Variants in KCNAB2 observed in about 807,000 individuals in gnomAD.
KCNAB2 encodes voltage-gated potassium channel subunit beta-2.
KCNAB2 carries 29 observed loss-of-function variants against 63.6 expected under a neutral mutation model. The ratio of observed to expected loss-of-function variants is 0.46; its 90% confidence interval spans 0.34 to 0.62. The LOEUF is 0.62. Among genes scored for constraint, KCNAB2 ranks in the 20% least tolerant of loss-of-function variants. KCNAB2 has a pLI of 0.01. For missense variants in KCNAB2, 359 were observed against 563.9 expected (o/e 0.64, Z 3.68); for synonymous variants, 222 against 224.2 (o/e 0.99, Z 0.09).
chr1:6,040,367 G>C (rs1352910041), intron 1 of KCNAB2: 6 of 615,034 alleles, frequency 9.8e-6, no homozygotes, highest in African/African-American at 7.4e-5. Context: ...TCTGTCGTCT[G>C]TCTGTCTGTC....
intron 1 of KCNAB2, among the ~76,000 whole-genome samples, chr1:6,049,818 T>C (rs1302576539): frequency 6.6e-6 from 1 of 152,204 alleles, no homozygotes; most frequent in Non-Finnish European, 1.5e-5. Context: ...AGGGCAGACA[T>C]GAATGAAGGT....
intron 1 of KCNAB2, among the ~76,000 whole-genome samples, chr1:6,005,356 GAGCTGAGCTGAGGAGTGA>G (rs1657573956): frequency 3.0e-5 from 1 of 33,172 alleles, no homozygotes; most frequent in Non-Finnish European, 5.1e-5. Context: ...GGGGATGTGG[GAGCTGAGCTGAGGAGTGA>G]GGGTGAACTG....
At chr1:6,043,061 C>T (rs1307354652), upstream of KCNAB2, among the ~76,000 whole-genome samples, 5 of 152,130 alleles carry the variant, frequency 3.3e-5, no homozygotes, top group African/African-American at 1.2e-4. Flanking sequence ...AATGCTTTCC[C>T]TGGATGAAAT....
intron 1 of KCNAB2, among the ~76,000 whole-genome samples, chr1:6,005,812 C>T (rs1657637513): frequency 6.6e-6 from 1 of 151,888 alleles, no homozygotes; most frequent in African/African-American, 2.4e-5. Context: ...TTTCCCCTGG[C>T]AGGGACCACG....
At chr1:6,006,586 T>TCC (rs1557925203) in intron 1 of KCNAB2, among the ~76,000 whole-genome samples, 160 of 2,668 alleles carry the variant, frequency 0.06, 75 homozygotes, top group African/African-American at 0.28. Context: ...ATCCCCCCAC[T>TCC]TCACCCTCAC....
At chr1:6,050,179 C>T (rs1470214315) in intron 1 of KCNAB2, among the ~76,000 whole-genome samples, 1 of 152,224 alleles carries the variant, frequency 6.6e-6, no homozygotes, top group African/African-American at 2.4e-5. Flanking sequence ...CGAACTTTTC[C>T]TCTCTTGGGG....
intron 7 of KCNAB2, among the ~76,000 whole-genome samples, chr1:6,088,652 G>A (rs1664904939): frequency 6.6e-6 from 1 of 151,852 alleles, no homozygotes; most frequent in Admixed American, 6.6e-5. Context: ...CAAAGTGCTG[G>A]GATTACAGGC....
rs537583985 is a variant in KCNAB2, at chr1:6,084,733, T to G, written c.381-471T>G. 9.9e-5 allele frequency among the ~76,000 whole-genome samples: 15 copies of G among 151,308 alleles called. No homozygotes were observed. In the East Asian group the frequency reaches 2.3e-3, roughly 24 times the overall value. On this transcript the variant is annotated intron_variant, in intron 5 of 15. Transcript: ENST00000378083. ...TGGGAGGCTGAGGCAGGAGAACTGCTTGAACCCAGGAGGCAGAGGTTGCAG... is the reference window on the plus strand; with the variant it reads ...TGGGAGGCTGAGGCAGGAGAACTGCGTGAACCCAGGAGGCAGAGGTTGCAG...
chr1:6,021,245 A>G (rs1319900081), intron 1 of KCNAB2, among the ~76,000 whole-genome samples: 2 of 152,114 alleles, frequency 1.3e-5, no homozygotes, highest in Non-Finnish European at 2.9e-5. Context: ...CGATCCACCC[A>G]CCACGGGCTC....
At chr1:6,084,046 G>A (rs1421847842) in intron 5 of KCNAB2, among the ~76,000 whole-genome samples, 8 of 152,226 alleles carry the variant, frequency 5.3e-5, no homozygotes, top group Non-Finnish European at 1.2e-4. Context: ...TGTGTGTCTT[G>A]ACCATAAATG....
intron 6 of KCNAB2, chr1:6,085,894 G>A: frequency 1.0e-6 from 1 of 986,386 alleles, no homozygotes; most frequent in Non-Finnish European, 1.2e-6. Flanking sequence ...ACACTCCTCT[G>A]GGAAGTGGTC....
At chr1:6,039,374 G>T (rs1660312893) in intron 1 of KCNAB2, among the ~76,000 whole-genome samples, 1 of 152,210 alleles carries the variant, frequency 6.6e-6, no homozygotes, top group Admixed American at 6.5e-5. Flanking sequence ...GTGGAGGAAG[G>T]CGTGCAGAGC....
In KCNAB2 at chr1:6,101,169, AGCCC is replaced by A. The variant is rs1666008751; in HGVS notation, c.*2596_*2599del. 1 of 152,242 alleles carries A rather than the reference AGCCC, an allele frequency of 6.6e-6. No individual in the cohort carries two copies. Among genetic ancestry groups the A allele is most frequent in the African/African-American group, 2.4e-5 (1 of 41,452 alleles). The allele number at this position is 152,242 out of a possible 1,614,324, so 9.4% of individuals were successfully genotyped here. A position where few individuals can be genotyped will look rare whatever the true frequency, so the allele number is the denominator to read the frequency against. Reference sequence around the variant, plus strand: ...ATTTATGGAATGACAAAATAAATAAAGCCCAAACCCATCGGTCTCTGTGACTTTT... The same window carrying A: ...ATTTATGGAATGACAAAATAAATAAAAAACCCATCGGTCTCTGTGACTTTT... On this transcript the variant is annotated 3_prime_UTR_variant, in exon 16 of 16. Coordinates refer to ENST00000378083, the MANE Select transcript of KCNAB2 (RefSeq NM_001199862.2).
In KCNAB2 at chr1:6,094,436, G is replaced by A; in HGVS notation, c.683G>A (p.Gly228Glu). 1 of 1,612,142 alleles carries A rather than the reference G, an allele frequency of 6.2e-7. No homozygotes were observed. ...GCCATGACCCACGTCATCAACCAGG[G>A]GATGGCCATGTACTGGGGCACGTCA... ...VRAMTHVINQ[G>E]MAMYWGTSRW... The change falls in exon 11 of 16, where the codon GGG becomes GAG. Residue 228 changes from glycine (G) to glutamate (E), a missense_variant. Physicochemically the swap from Gly to Glu is moderately conservative, Grantham distance 98. Around this residue, in one of 2 missense-constraint regions of KCNAB2, gnomAD observed 271 missense variants for 476.1 expected, o/e 0.57. Coordinates refer to ENST00000378083, the MANE Select transcript of KCNAB2 (RefSeq NM_001199862.2).
chr1:6,096,798 A>T lies in KCNAB2; in HGVS notation c.1069+42A>T. 1 of 1,512,718 alleles carries T rather than the reference A, an allele frequency of 6.6e-7. No homozygotes were observed. The highest frequency in any genetic ancestry group is 8.9e-7 in the Non-Finnish European group (1 of 1,123,440). The allele number at this position is 1,512,718 out of a possible 1,614,324, so 93.7% of individuals were successfully genotyped here. A position where few individuals can be genotyped will look rare whatever the true frequency, so the allele number is the denominator to read the frequency against. ...CATGGGGCCAGTGCCCCTGGGGAGAACCTGCCCCAGCTGGCCGTAGGTAAC... is the reference window on the plus strand; with the variant it reads ...CATGGGGCCAGTGCCCCTGGGGAGATCCTGCCCCAGCTGGCCGTAGGTAAC... On this transcript the variant is annotated intron_variant, in intron 14 of 15. Coordinates refer to ENST00000378083, the MANE Select transcript of KCNAB2 (RefSeq NM_001199862.2). This position sits in a 1 kb window ranked among gnomAD's most constrained non-coding sequence, Gnocchi z 5.9.
At position 6,089,021 on chromosome 1, in the gene KCNAB2, CGGGGCCTGTCCA is replaced by C; in HGVS notation, c.487_498del (p.Gly163_Arg166del). 6.5e-7 allele frequency: 1 copy of C among 1,548,652 alleles called. No homozygotes were observed. Among genetic ancestry groups the C allele is most frequent in the Non-Finnish European group, 8.7e-7 (1 of 1,145,922 alleles). On this transcript the variant is annotated inframe_deletion, in exon 8 of 16. Coordinates refer to ENST00000378083, the MANE Select transcript of KCNAB2 (RefSeq NM_001199862.2). ...CCTGTTTTCCAGGGCGGAGACGGAG[CGGGGCCTGTCCA>C]GGAAGCACATAATCGAAGGTGAGGA...
chr1:6,052,457 C>T (rs939146316), intron 2 of KCNAB2, among the ~76,000 whole-genome samples: 1 of 151,952 alleles, frequency 6.6e-6, no homozygotes, highest in African/African-American at 2.4e-5. Flanking sequence ...AGTAAATTCT[C>T]CATGGGGTAA....
upstream of KCNAB2, among the ~76,000 whole-genome samples, chr1:6,040,980 C>G (rs542242941): frequency 2.0e-5 from 3 of 152,358 alleles, no homozygotes; most frequent in East Asian, 5.8e-4. Context: ...ACCCCGGCAT[C>G]CTGTTCCTCC....
chr1:6,042,110 T>C (rs1045112971), upstream of KCNAB2, among the ~76,000 whole-genome samples: 1 of 152,180 alleles, frequency 6.6e-6, no homozygotes, highest in Non-Finnish European at 1.5e-5. Flanking sequence ...TTTGCTTTGA[T>C]TTGAGCAAAT....
Sources: gnomAD v4.1 joint callset for allele counts (sites outside exome capture counted in the v4.1 genomes callset) on GRCh38, gnomAD v4.1.1 for gene constraint, gnomAD v4.1.1 regional missense constraint, Gnocchi (gnomAD v3.1) non-coding constraint, MANE v1.5 for transcripts, NCBI Gene and HGNC (gene_info 2026-07-23, HGNC 2026-07-21) for gene names.